PCDH15: variants seen among roughly 807,000 people sequenced by gnomAD.
PCDH15 encodes the protein protocadherin-15.
A neutral mutation model predicts 178.5 loss-of-function variants in PCDH15; 129 were observed. The ratio of observed to expected loss-of-function variants is 0.72; its 90% confidence interval spans 0.63 to 0.84. The LOEUF is 0.84. Ranked by LOEUF, PCDH15 falls within the 40% of genes least tolerant of loss-of-function variation. The pLI is 0.00. For missense variants in PCDH15, 2,230 were observed against 2,099.9 expected (o/e 1.06, Z -1.21); for synonymous variants, 800 against 732.0 (o/e 1.09, Z -1.50).
At position 55,520,299 on chromosome 10, in the gene PCDH15, GTATA is replaced by G. The variant is rs750692237; in HGVS notation, c.-156+107322_-156+107325del. Reference sequence around the variant, plus strand: ...GTGTATATATATATACACGCAATATGTATATATATATATATACATGCAATGTGTA... The same window carrying G: ...GTGTATATATATATACACGCAATATGTATATATATATACATGCAATGTGTA... On this transcript the variant is annotated intron_variant, in intron 2 of 5. Transcript: ENST00000613346. 7.5e-3 allele frequency among the ~76,000 whole-genome samples: 539 copies of G among 71,486 alleles called. 61 individuals are homozygous for G. The highest frequency in any genetic ancestry group is 8.8e-3 in the Middle Eastern group (1 of 114). 46.9% of individuals were successfully genotyped at this position (71,486 alleles called of 152,430 possible).
intron 2 of PCDH15, among the ~76,000 whole-genome samples, chr10:55,041,163 C>T (rs1840855407): frequency 6.6e-6 from 1 of 152,074 alleles, no homozygotes; most frequent in African/African-American, 2.4e-5. Context: ...TGACTAAAGG[C>T]ATTTCTATTT....
At chr10:54,600,132 GAAGA>G in intron 2 of PCDH15, 1 of 802,962 alleles carries the variant, frequency 1.2e-6, no homozygotes, top group South Asian at 1.4e-5. Flanking sequence ...TGCCAGAGAA[GAAGA>G]AAGCTGAGTC....
chr10:54,127,425 T>C (rs2042076575), intron 15 of PCDH15, among the ~76,000 whole-genome samples: 1 of 152,204 alleles, frequency 6.6e-6, no homozygotes, highest in Non-Finnish European at 1.5e-5. Flanking sequence ...TGCTGATAAC[T>C]GCATATTTTG....
At chr10:54,874,810 C>A (rs1199893332) in intron 3 of PCDH15, among the ~76,000 whole-genome samples, 1 of 151,936 alleles carries the variant, frequency 6.6e-6, no homozygotes, top group Non-Finnish European at 1.5e-5. Context: ...CAACCCTAGC[C>A]CCTTATCAAG....
intron 3 of PCDH15, among the ~76,000 whole-genome samples, chr10:54,429,573 T>A (rs1956710755): frequency 6.6e-6 from 1 of 152,026 alleles, no homozygotes. Flanking sequence ...AGACAAATTA[T>A]CTGTTGGCTA....
At chr10:55,217,243 T>C (rs1484632275) in intron 1 of PCDH15, among the ~76,000 whole-genome samples, 1 of 151,958 alleles carries the variant, frequency 6.6e-6, no homozygotes, top group African/African-American at 2.4e-5. Flanking sequence ...TGGTTACTTT[T>C]ATCTCTTACT....
intron 1 of PCDH15, among the ~76,000 whole-genome samples, chr10:54,793,815 A>C (rs946772238): frequency 6.7e-6 from 1 of 149,292 alleles, no homozygotes; most frequent in African/African-American, 2.4e-5. Context: ...AAATAGCGTA[A>C]TAGGAAGAAA....
At chr10:54,433,820 ACCTATTATGTAC>A (rs944763338) in intron 3 of PCDH15, among the ~76,000 whole-genome samples, 1 of 152,160 alleles carries the variant, frequency 6.6e-6, no homozygotes, top group Non-Finnish European at 1.5e-5. Flanking sequence ...AAATATATAC[ACCTATTATGTAC>A]CCAAAAATAT....
chr10:53,869,635 A>G (rs1295485666), intron 26 of PCDH15, among the ~76,000 whole-genome samples: 1 of 152,148 alleles, frequency 6.6e-6, no homozygotes, highest in African/African-American at 2.4e-5. Context: ...CTACATGACC[A>G]GCATTTACAT....
chr10:54,641,665 C>A (rs1346111904), intron 2 of PCDH15, among the ~76,000 whole-genome samples: 1 of 152,056 alleles, frequency 6.6e-6, no homozygotes, highest in Non-Finnish European at 1.5e-5. Context: ...AATCTCTTCA[C>A]TTGTCTCTAG....
At chr10:54,331,214 A>T (rs1192568705) in intron 6 of PCDH15, among the ~76,000 whole-genome samples, 1 of 151,582 alleles carries the variant, frequency 6.6e-6, no homozygotes, top group East Asian at 1.9e-4. Context: ...AATCAATGAA[A>T]TGTGTGTAGT....
intron 8 of PCDH15, among the ~76,000 whole-genome samples, chr10:54,297,356 G>T (rs2059866393): frequency 6.6e-6 from 1 of 152,054 alleles, no homozygotes; most frequent in Non-Finnish European, 1.5e-5. Context: ...CTCTCTGTTG[G>T]GGAAAAATGG....
intron 1 of PCDH15, among the ~76,000 whole-genome samples, chr10:55,261,988 G>T (rs1282321862): frequency 2.0e-5 from 3 of 148,324 alleles, no homozygotes; most frequent in Non-Finnish European, 3.0e-5. Flanking sequence ...CCATTTCACT[G>T]CTGGGAGAAA....
chr10:54,788,041 G>A (rs1951055128), intron 1 of PCDH15, among the ~76,000 whole-genome samples: 1 of 151,576 alleles, frequency 6.6e-6, no homozygotes, highest in African/African-American at 2.4e-5. Context: ...CACAGGAAGG[G>A]GAGAAACAAA....
chr10:54,915,975 C>A (rs1051302107), intron 2 of PCDH15, among the ~76,000 whole-genome samples: 2 of 152,126 alleles, frequency 1.3e-5, no homozygotes, highest in African/African-American at 4.8e-5. Flanking sequence ...CTCACAGGCA[C>A]CTGCAACCGT....
At chr10:54,336,581 G>A (rs1362381182) in intron 6 of PCDH15, among the ~76,000 whole-genome samples, 2 of 152,332 alleles carry the variant, frequency 1.3e-5, no homozygotes, top group South Asian at 2.1e-4. Context: ...TTCACATGGT[G>A]TGGAGCCTAT....
chr10:54,627,207 T>C (rs1166805505), intron 2 of PCDH15, among the ~76,000 whole-genome samples: 1 of 152,144 alleles, frequency 6.6e-6, no homozygotes, highest in Non-Finnish European at 1.5e-5. Context: ...TTTGAGTTAA[T>C]GCTGAAATGA....
intron 3 of PCDH15, among the ~76,000 whole-genome samples, chr10:54,825,789 T>C (rs1013501204): frequency 7.9e-5 from 12 of 152,134 alleles, no homozygotes; most frequent in African/African-American, 2.7e-4. Flanking sequence ...AACACAGTCA[T>C]CTTGACTAAT....
chr10:54,664,253 G>A lies in PCDH15; in HGVS notation c.10C>T (p.Gln4Ter). 1 of 1,610,918 alleles carries A rather than the reference G, an allele frequency of 6.2e-7. No individual in the cohort carries two copies. Among genetic ancestry groups the A allele is most frequent in the South Asian group, 1.1e-5 (1 of 90,860 alleles). The change falls in exon 2 of 38, where the codon CAG (glutamine) becomes TAG (stop). Residue 4 changes from glutamine to a stop codon, truncating the protein, a stop_gained. Coordinates refer to ENST00000644397, the MANE Select transcript of PCDH15 (RefSeq NM_001384140.1). LOFTEE classifies it high-confidence loss of function. The part of the protein sequence containing the change: MFR[Q>*]FYLWTCLASG... The stretch of plus-strand genomic sequence containing the variant: ...GCTAAACATGTCCAGAGATAAAACT[G>A]TCGAAACATCTTCTGTCAAAGTTCA...
Sources: allele counts gnomAD v4.1 joint callset (sites outside exome capture counted in the v4.1 genomes callset), GRCh38; gene constraint gnomAD v4.1.1; transcripts MANE v1.5; gene names NCBI Gene and HGNC (gene_info 2026-07-23, HGNC 2026-07-21).